ROBO1: variants seen among roughly 807,000 people sequenced by gnomAD.
The protein encoded by ROBO1 is roundabout homolog 1.
A neutral mutation model predicts 195.9 loss-of-function variants in ROBO1; 149 were observed. The ratio of observed to expected loss-of-function variants is 0.76; its 90% CI spans 0.67 to 0.87. The LOEUF (loss-of-function observed/expected upper bound fraction) is 0.87. ROBO1 is among the 40% of genes least tolerant of loss of function. The pLI is 0.00. For missense variants in ROBO1, 1,933 were observed against 2,068.3 expected, an observed-to-expected ratio of 0.93 and a Z score of 1.27; for synonymous variants, 816 against 733.2, an observed-to-expected ratio of 1.11 and a Z score of -1.82.
chr3:78,896,999 T>C (rs1385440437), intron 4 of ROBO1, among the ~76,000 whole-genome samples: 2 of 152,198 alleles, frequency 1.3e-5, no homozygotes. Context: ...CAAAACTGTA[T>C]GATTTACTCA....
At chr3:79,406,150 C>T (rs2037537190) in intron 2 of ROBO1, among the ~76,000 whole-genome samples, 1 of 150,932 alleles carries the variant, frequency 6.6e-6, no homozygotes, top group African/African-American at 2.4e-5. Context: ...AAGGAGGAGA[C>T]AGCTGGAGAT....
chr3:79,157,895 A>AT (rs1341380322), intron 2 of ROBO1, among the ~76,000 whole-genome samples: 2 of 151,876 alleles, frequency 1.3e-5, no homozygotes, highest in Non-Finnish European at 2.9e-5. Flanking sequence ...ATACATGTGG[A>AT]TTATGCTCCT....
chr3:79,446,208 T>C (rs1457926428), intron 2 of ROBO1, among the ~76,000 whole-genome samples: 2 of 152,214 alleles, frequency 1.3e-5, no homozygotes, highest in Non-Finnish European at 2.9e-5. Context: ...TTTATACAAA[T>C]CTTTAGTCAA....
chr3:78,937,959 T>C (rs2039900606), intron 4 of ROBO1: 1 of 151,646 alleles, frequency 6.6e-6, no homozygotes, highest in Non-Finnish European at 1.5e-5. Context: ...AGACAAATTC[T>C]CATATGTAGC....
At chr3:79,703,674 A>T (rs895213892) in intron 1 of ROBO1, among the ~76,000 whole-genome samples, 3 of 151,940 alleles carry the variant, frequency 2.0e-5, no homozygotes, top group Non-Finnish European at 4.4e-5. Context: ...TCTTATATGA[A>T]CTAACTTAAA....
At chr3:79,122,110 A>C (rs1205397630) in intron 3 of ROBO1, among the ~76,000 whole-genome samples, 4 of 152,062 alleles carry the variant, frequency 2.6e-5, no homozygotes, top group African/African-American at 4.8e-5. Flanking sequence ...TCTTCAAAAA[A>C]TCATTGATTA....
chr3:79,575,321 C>CAA lies in ROBO1; in HGVS notation c.88+14502_88+14503insTT, dbSNP rs1560007663. ...CAAATATATATAAATATATATATAA[C>CAA]ATATATATAAATATATATAACCAAT... is the stretch of plus-strand genomic sequence containing the variant. On this transcript the variant is annotated intron_variant, in intron 2 of 30. Transcript: ENST00000464233. 2.2e-3 allele frequency among the ~76,000 whole-genome samples: 218 copies of CAA among 100,614 alleles called. 2 individuals are homozygous for CAA. The highest frequency in any genetic ancestry group is 9.7e-3 in the African/African-American group (209 of 21,606). The allele number at this position is 100,614 out of a possible 152,430, so 66.0% of individuals were successfully genotyped here.
intron 2 of ROBO1, among the ~76,000 whole-genome samples, chr3:79,503,731 C>CTT (rs1940242927): frequency 6.6e-6 from 1 of 152,132 alleles, no homozygotes; most frequent in Non-Finnish European, 1.5e-5. Context: ...TTTCAGTCTA[C>CTT]TATATAAAAT....
chr3:79,167,227 C>T (rs1191539740), intron 2 of ROBO1, among the ~76,000 whole-genome samples: 1 of 147,706 alleles, frequency 6.8e-6, no homozygotes. Context: ...CATCTAAACT[C>T]ACGCTAGTAA....
intron 2 of ROBO1, among the ~76,000 whole-genome samples, chr3:79,376,812 T>C (rs1329546428): frequency 2.6e-5 from 4 of 152,150 alleles, no homozygotes; most frequent in Non-Finnish European, 5.9e-5. Flanking sequence ...AGGAGTTTGA[T>C]AGTCCTTTTC....
At chr3:79,308,671 A>G (rs1360943166) in intron 2 of ROBO1, among the ~76,000 whole-genome samples, 2 of 152,226 alleles carry the variant, frequency 1.3e-5, no homozygotes, top group Admixed American at 1.3e-4. Context: ...ATGAGGCTTG[A>G]AAGGAAACTG....
intron 1 of ROBO1, among the ~76,000 whole-genome samples, chr3:79,687,719 A>G (rs1438211429): frequency 6.6e-6 from 1 of 152,190 alleles, no homozygotes; most frequent in African/African-American, 2.4e-5. Context: ...GTCAGGAAAC[A>G]ACAGGTGCTG....
chr3:79,383,453 CA>C (rs1474055390), intron 2 of ROBO1, among the ~76,000 whole-genome samples: 1 of 151,842 alleles, frequency 6.6e-6, no homozygotes, highest in Non-Finnish European at 1.5e-5. Context: ...GAGTCAAAAG[CA>C]AAGTAAAAAA....
At chr3:79,615,000 G>A (rs1432690394) in intron 1 of ROBO1, among the ~76,000 whole-genome samples, 9 of 152,174 alleles carry the variant, frequency 5.9e-5, no homozygotes, top group South Asian at 2.1e-4. Context: ...GCAACCAACT[G>A]AATGGACCCC....
chr3:79,177,455 C>A (rs569166096), intron 2 of ROBO1, among the ~76,000 whole-genome samples: 1 of 152,070 alleles, frequency 6.6e-6, no homozygotes, highest in Non-Finnish European at 1.5e-5. Flanking sequence ...ATAGGATGGG[C>A]GGACCCTCCT....
intron 3 of ROBO1, among the ~76,000 whole-genome samples, chr3:79,049,670 G>A (rs940115607): frequency 3.9e-5 from 6 of 152,154 alleles, no homozygotes; most frequent in African/African-American, 1.4e-4. Context: ...TACCCACAAA[G>A]GGAATCCCAT....
chr3:78,644,821 G>A (rs950535087), intron 21 of ROBO1, among the ~76,000 whole-genome samples: 4 of 152,252 alleles, frequency 2.6e-5, no homozygotes, highest in East Asian at 1.9e-4. Context: ...ACACACCCAC[G>A]CACAGAGGCT....
rs1186938519 is a variant in ROBO1 at position 79,724,475 on chromosome 3, T to G, written c.-51+43277A>C. ...AACGTTGAAGGGGATGGCCTGTCCA[T>G]GCCGAGGTTACGAAACATGGAGACT... On this transcript the variant is annotated intron_variant, in intron 1 of 30. Coordinates refer to ENST00000464233, the MANE Select transcript of ROBO1 (RefSeq NM_002941.4). Among the ~76,000 whole-genome samples, 3 of 152,198 alleles carry G rather than the reference T, an allele frequency of 2.0e-5. No individual in the cohort carries two copies. The East Asian group carries it at 5.8e-4, about 29-fold the overall frequency.
At chr3:79,410,617 A>AAAGGAAGG (rs141093481) in intron 2 of ROBO1, among the ~76,000 whole-genome samples, 48 of 149,556 alleles carry the variant, frequency 3.2e-4, no homozygotes, top group African/African-American at 1.0e-3. Flanking sequence ...GAAAGAAAAG[A>AAAGGAAGG]AAGGAAGGAA....
Sources: gnomAD v4.1 joint callset for allele counts (sites outside exome capture counted in the v4.1 genomes callset) on GRCh38, gnomAD v4.1.1 for gene constraint, MANE v1.5 for transcripts, NCBI Gene and HGNC (gene_info 2026-07-23, HGNC 2026-07-21) for gene names.